MOXD1: variants seen among roughly 807,000 people sequenced by gnomAD.
MOXD1 encodes DBH-like monooxygenase protein 1.
In MOXD1, 62 loss-of-function variants were observed where a neutral mutation model predicts 66.6. The observed-to-expected ratio is 0.93, with a 90% CI of 0.76 to 1.15. The LOEUF (loss-of-function observed/expected upper bound fraction) is 1.15, where lower values mean the gene tolerates loss of function less well. Ranked by LOEUF, MOXD1 falls within the 50% of genes most tolerant of loss-of-function variation. The pLI is 0.00. For missense variants in MOXD1, 847 were observed against 754.6 expected (o/e 1.12, Z -1.44); for synonymous variants, 303 against 281.9 (o/e 1.07, Z -0.75).
intron 1 of MOXD1, among the ~76,000 whole-genome samples, chr6:132,383,449 T>C (rs1318457540): frequency 6.6e-6 from 1 of 152,176 alleles, no homozygotes; most frequent in Admixed American, 6.5e-5. Flanking sequence ...GTTAAATACC[T>C]ACTAAAATGC....
chr6:132,400,257 T>C (rs567857859), intron 1 of MOXD1, among the ~76,000 whole-genome samples: 1 of 152,282 alleles, frequency 6.6e-6, no homozygotes, highest in East Asian at 1.9e-4. Flanking sequence ...TTCATCTGGA[T>C]CAAGACTTTT....
At chr6:132,320,125 G>T (rs912995503) in intron 9 of MOXD1, among the ~76,000 whole-genome samples, 1 of 152,094 alleles carries the variant, frequency 6.6e-6, no homozygotes, top group Non-Finnish European at 1.5e-5. Context: ...TTATGACTTG[G>T]TGGGAGGTGT....
At chr6:132,400,712 G>A (rs1032576728) in intron 1 of MOXD1, among the ~76,000 whole-genome samples, 1 of 151,980 alleles carries the variant, frequency 6.6e-6, no homozygotes, top group Non-Finnish European at 1.5e-5. Flanking sequence ...AAATAGCCAC[G>A]ATTTGGGAAG....
intron 4 of MOXD1, among the ~76,000 whole-genome samples, chr6:132,365,554 G>A (rs972839565): frequency 6.6e-6 from 1 of 152,158 alleles, no homozygotes; most frequent in African/African-American, 2.4e-5. Flanking sequence ...AGGAATTTGA[G>A]GACCAGGCAA....
chr6:132,365,989 T>C (rs898208798), intron 4 of MOXD1, among the ~76,000 whole-genome samples: 3 of 152,156 alleles, frequency 2.0e-5, no homozygotes, highest in African/African-American at 7.2e-5. Context: ...ATAAACATTG[T>C]AACACAAATT....
rs114263939 is a variant in MOXD1 at position 132,311,906 on chromosome 6, G to A, written c.1508+3729C>T. ...AACTCTTTATAATAAGCACGTGTGAGTTTTAAATAGGAAAAACATAAAGTG... is the reference window on the plus strand; with the variant it reads ...AACTCTTTATAATAAGCACGTGTGAATTTTAAATAGGAAAAACATAAAGTG... On this transcript the variant is annotated intron_variant, in intron 10 of 11. Coordinates refer to ENST00000367963, the MANE Select transcript of MOXD1 (RefSeq NM_015529.4). 4.1e-3 allele frequency among the ~76,000 whole-genome samples: 621 copies of A among 152,142 alleles called. 4 individuals carry two copies. Among genetic ancestry groups the A allele is most frequent in the African/African-American group, 0.014 (585 of 41,526 alleles).
Position 132,332,997 on chromosome 6 carries a change from T to C in MOXD1, c.664-4403A>G, listed in dbSNP as rs200290102. On this transcript the variant is annotated intron_variant, in intron 4 of 11. Transcript: ENST00000367963. ...GACAAGACTTTTGTTTTTGCATTAT[T>C]ATATTACTTGTAATGATGACAGAGT... Among the ~76,000 whole-genome samples the C allele has an allele frequency of 3.9e-5, 6 of 152,134 alleles. No homozygotes were observed. In the East Asian group the frequency reaches 9.6e-4, roughly 24 times the overall value.
At chr6:132,320,380 G>C (rs1007072716) in intron 9 of MOXD1, among the ~76,000 whole-genome samples, 1 of 151,994 alleles carries the variant, frequency 6.6e-6, no homozygotes, top group African/African-American at 2.4e-5. Context: ...AAAAGACTAA[G>C]GATAGCTTTT....
At chr6:132,356,275 A>T (rs1262560326) in intron 4 of MOXD1, among the ~76,000 whole-genome samples, 1 of 152,214 alleles carries the variant, frequency 6.6e-6, no homozygotes, top group Non-Finnish European at 1.5e-5. Context: ...CAGCAAACTG[A>T]CAGAAGAGAG....
At chr6:132,392,232 C>G (rs563223772) in intron 1 of MOXD1, 42 of 1,601,442 alleles carry the variant, frequency 2.6e-5, no homozygotes, top group Non-Finnish European at 3.2e-5. Context: ...AGTGGCCCGG[C>G]AGCAATTACC....
chr6:132,376,576 G>C lies in MOXD1; in HGVS notation c.265-1799C>G, dbSNP rs1370244453. ...TCGCCCAGGCTGGAGTGCAGTGGCGGGATCTCGGCTCACTGCAAGCTCCGC... is the reference window on the plus strand; with the variant it reads ...TCGCCCAGGCTGGAGTGCAGTGGCGCGATCTCGGCTCACTGCAAGCTCCGC... On this transcript the variant is annotated intron_variant, in intron 1 of 11. Transcript: ENST00000367963. Among the ~76,000 whole-genome samples the C allele has an allele frequency of 8.6e-5, 5 of 58,286 alleles. 1 individual carries two copies. Among genetic ancestry groups the C allele is most frequent in the Admixed American group, 1.7e-4 (1 of 5,716 alleles). 38.2% of individuals were successfully genotyped at this position (58,286 alleles called of 152,430 possible).
chr6:132,306,522 A>T (rs1239324098), intron 10 of MOXD1, among the ~76,000 whole-genome samples: 1 of 152,144 alleles, frequency 6.6e-6, no homozygotes, highest in Non-Finnish European at 1.5e-5. Context: ...CACCATTAAG[A>T]TACTCCACGA....
At chr6:132,364,115 G>A (rs535101432) in intron 4 of MOXD1, among the ~76,000 whole-genome samples, 5 of 152,260 alleles carry the variant, frequency 3.3e-5, no homozygotes, top group African/African-American at 1.2e-4. Flanking sequence ...TAGAATGGAA[G>A]ACTAATGGGT....
At chr6:132,341,248 T>C (rs893975745) in intron 4 of MOXD1, among the ~76,000 whole-genome samples, 4 of 152,182 alleles carry the variant, frequency 2.6e-5, no homozygotes, top group Non-Finnish European at 4.4e-5. Flanking sequence ...CCCTTCTACT[T>C]TGTACCATGT....
intron 4 of MOXD1, among the ~76,000 whole-genome samples, chr6:132,333,936 G>A (rs1409122828): frequency 1.3e-5 from 2 of 152,170 alleles, no homozygotes; most frequent in South Asian, 2.1e-4. Context: ...ATCAAGTAAC[G>A]GGAGCTTTCA....
chr6:132,314,820 C>T (rs1436899885), intron 10 of MOXD1, among the ~76,000 whole-genome samples: 1 of 152,124 alleles, frequency 6.6e-6, no homozygotes, highest in Non-Finnish European at 1.5e-5. Context: ...TTTATTACCT[C>T]TCCCTCACTC....
At chr6:132,380,842 T>G (rs1776493768) in intron 1 of MOXD1, among the ~76,000 whole-genome samples, 1 of 152,236 alleles carries the variant, frequency 6.6e-6, no homozygotes, top group African/African-American at 2.4e-5. Context: ...TGAGTTTGGG[T>G]CTGCATGATC....
intron 4 of MOXD1, among the ~76,000 whole-genome samples, chr6:132,350,650 T>G (rs1202959355): frequency 1.3e-5 from 2 of 152,222 alleles, no homozygotes; most frequent in East Asian, 3.8e-4. Flanking sequence ...TTTCTAATTC[T>G]GTGAAGAAAG....
chr6:132,384,251 T>C (rs1426700355), intron 1 of MOXD1, among the ~76,000 whole-genome samples: 1 of 70,388 alleles, frequency 1.4e-5, no homozygotes, highest in African/African-American at 1.5e-4. Flanking sequence ...TCTTCCTTCC[T>C]TCCTTCCTTC....
Sources: gnomAD v4.1 joint callset for allele counts (sites outside exome capture counted in the v4.1 genomes callset) on GRCh38, gnomAD v4.1.1 for gene constraint, MANE v1.5 for transcripts, NCBI Gene and HGNC (gene_info 2026-07-23, HGNC 2026-07-21) for gene names.